Variants in FGF12 observed in about 807,000 individuals in gnomAD.
FGF12 encodes fibroblast growth factor 12B.
Under a neutral mutation model 23.6 loss-of-function variants are expected in FGF12, and 14 were observed. The observed-to-expected ratio is 0.59, with a 90% CI of 0.39 to 0.93. The LOEUF (loss-of-function observed/expected upper bound fraction) is 0.93. Ranked by LOEUF, FGF12 falls within the 40% of genes least tolerant of loss-of-function variation. The pLI is 0.00. For synonymous variants in FGF12, 62 were observed against 77.3 expected, an observed-to-expected ratio of 0.80 and a Z score of 1.04; for missense variants, 175 against 217.8, an observed-to-expected ratio of 0.80 and a Z score of 1.24.
intron 2 of FGF12, among the ~76,000 whole-genome samples, chr3:192,542,810 C>A (rs1725404175): frequency 6.6e-6 from 1 of 152,064 alleles, no homozygotes. Flanking sequence ...GAAGAATTGT[C>A]TGGATTACCA....
chr3:192,408,669 T>A lies in FGF12; in HGVS notation c.14-48131A>T, dbSNP rs1423378514. The A allele has an allele frequency of 7.0e-6, 7 of 1,001,926 alleles. No homozygotes were observed. The highest frequency in any genetic ancestry group is 8.3e-6 in the Non-Finnish European group (7 of 840,568). 62.1% of individuals were successfully genotyped at this position (1,001,926 alleles called of 1,614,324 possible). On this transcript the variant is annotated intron_variant, in intron 2 of 5. Coordinates refer to ENST00000445105, the MANE Select transcript of FGF12 (RefSeq NM_004113.6). The surrounding 1 kb of genome is among the most constrained non-coding windows in gnomAD (Gnocchi z 7.3). ...CAAGCGTTGTAAGGTGTCCAAAGTA[T>A]ACCTACACATACATACATAGAAAAC...
At chr3:192,597,610 C>G (rs2654689) in intron 2 of FGF12, among the ~76,000 whole-genome samples, 73,715 of 151,992 alleles carry the variant, frequency 0.48, 18,301 homozygotes, top group African/African-American at 0.59. Flanking sequence ...TAATTATAGT[C>G]TGCATAGAAC....
At chr3:192,400,307 A>G (rs2253332) in intron 2 of FGF12, among the ~76,000 whole-genome samples, 35,442 of 151,762 alleles carry the variant, frequency 0.23, 4,537 homozygotes, top group South Asian at 0.31. Context: ...CCTTATATAT[A>G]TGGGTATTGT....
intron 4 of FGF12, among the ~76,000 whole-genome samples, chr3:192,172,987 G>T (rs1038897091): frequency 1.3e-5 from 2 of 150,866 alleles, no homozygotes; most frequent in Non-Finnish European, 3.0e-5. Flanking sequence ...GATTTATGTG[G>T]CAACAAGGAT....
intron 2 of FGF12, among the ~76,000 whole-genome samples, chr3:192,580,612 T>C (rs1687985368): frequency 6.6e-6 from 1 of 152,150 alleles, no homozygotes; most frequent in Admixed American, 6.5e-5. Flanking sequence ...GTTGTTTTGT[T>C]TTGTTTTGTT....
chr3:192,223,232 C>T (rs1718562492), intron 4 of FGF12, among the ~76,000 whole-genome samples: 1 of 152,062 alleles, frequency 6.6e-6, no homozygotes, highest in Admixed American at 6.5e-5. Flanking sequence ...AAAAACAACA[C>T]AAAGCCCTCT....
rs923468332 is a variant in FGF12 at position 192,690,022 on chromosome 3, A to G, written c.13+37159T>C. The stretch of plus-strand genomic sequence containing the variant: ...ATGTACTCAAAATGTGGAAAGAAAT[A>G]AAACTGCCAGCCAAAAATACATTAC... On this transcript the variant is annotated intron_variant, in intron 2 of 5. Transcript: ENST00000445105. 4.6e-5 allele frequency among the ~76,000 whole-genome samples: 7 copies of G among 152,176 alleles called. No homozygotes were observed. In the South Asian group the frequency reaches 1.4e-3, roughly 31 times the overall value.
chr3:192,583,367 T>C (rs1026712847), intron 2 of FGF12, among the ~76,000 whole-genome samples: 1 of 152,218 alleles, frequency 6.6e-6, no homozygotes, highest in Non-Finnish European at 1.5e-5. Context: ...ATCTTCACAA[T>C]ATGATGTTCT....
intron 2 of FGF12, among the ~76,000 whole-genome samples, chr3:192,637,116 GCTC>G (rs1715611474): frequency 1.3e-5 from 2 of 152,178 alleles, no homozygotes; most frequent in Admixed American, 1.3e-4. Flanking sequence ...TCTCTCCCTC[GCTC>G]CTATTTCTTT....
chr3:192,336,082 G>T lies in FGF12; in HGVS notation c.125-618C>A, dbSNP rs1210608589. ...TTGATAGATAGCTTAAGCTGTAATG[G>T]ATATATTTTATATCCAGGTGGGAAA... On this transcript the variant is annotated intron_variant, in intron 3 of 5. Coordinates refer to ENST00000445105, the MANE Select transcript of FGF12 (RefSeq NM_004113.6). This position sits in a 1 kb window ranked among gnomAD's most constrained non-coding sequence, Gnocchi z 4.3. Among the ~76,000 whole-genome samples the T allele has an allele frequency of 6.7e-6, 1 of 149,108 alleles. No homozygotes were observed. Among genetic ancestry groups the T allele is most frequent in the Non-Finnish European group, 1.5e-5 (1 of 67,334 alleles).
At chr3:192,255,331 C>G (rs1042439191) in intron 4 of FGF12, among the ~76,000 whole-genome samples, 16 of 151,822 alleles carry the variant, frequency 1.1e-4, no homozygotes, top group Non-Finnish European at 2.9e-5. Flanking sequence ...CTAACAAAAG[C>G]CAATGAATAG....
intron 5 of FGF12, among the ~76,000 whole-genome samples, chr3:192,149,392 C>T (rs922315719): frequency 2.7e-5 from 4 of 147,120 alleles, no homozygotes; most frequent in African/African-American, 1.0e-4. Flanking sequence ...TATACATGTG[C>T]CATGCTGGTG....
intron 5 of FGF12, among the ~76,000 whole-genome samples, chr3:192,162,511 G>T (rs1714941037): frequency 6.6e-6 from 1 of 152,062 alleles, no homozygotes; most frequent in African/African-American, 2.4e-5. Flanking sequence ...AGAAAAAACT[G>T]GTTTGAATAA....
At chr3:192,324,372 T>C (rs1321742916) in intron 4 of FGF12, among the ~76,000 whole-genome samples, 1 of 152,142 alleles carries the variant, frequency 6.6e-6, no homozygotes. Context: ...AGAAACTTTA[T>C]GGATTGATGC....
intron 2 of FGF12, among the ~76,000 whole-genome samples, chr3:192,401,225 T>G (rs1215110885): frequency 6.6e-6 from 1 of 152,242 alleles, no homozygotes; most frequent in Non-Finnish European, 1.5e-5. Flanking sequence ...AGTCAGCTTG[T>G]TCTCAAGTCT....
intron 2 of FGF12, among the ~76,000 whole-genome samples, chr3:192,572,666 A>G (rs1261128051): frequency 1.3e-5 from 2 of 152,212 alleles, no homozygotes; most frequent in Non-Finnish European, 2.9e-5. Context: ...ATACACAGTA[A>G]CAATGCTAAA....
intron 5 of FGF12, among the ~76,000 whole-genome samples, chr3:192,147,231 T>C (rs1226637527): frequency 1.3e-5 from 2 of 152,228 alleles, no homozygotes; most frequent in Non-Finnish European, 2.9e-5. Flanking sequence ...TTAATTTTCA[T>C]TGTTATTTAC....
intron 4 of FGF12, among the ~76,000 whole-genome samples, chr3:192,258,062 A>T (rs1198961324): frequency 1.3e-5 from 2 of 151,804 alleles, no homozygotes; most frequent in African/African-American, 4.8e-5. Flanking sequence ...AATGTTACAA[A>T]GTAAAGGTTG....
chr3:192,559,774 C>G (rs1711935435), intron 2 of FGF12, among the ~76,000 whole-genome samples: 1 of 151,932 alleles, frequency 6.6e-6, no homozygotes, highest in African/African-American at 2.4e-5. Context: ...TATAGAGACA[C>G]TCTCTGTACT....
Sources: allele counts gnomAD v4.1 joint callset (sites outside exome capture counted in the v4.1 genomes callset), GRCh38; gene constraint gnomAD v4.1.1; non-coding constraint Gnocchi (gnomAD v3.1); transcripts MANE v1.5; gene names NCBI Gene and HGNC (gene_info 2026-07-23, HGNC 2026-07-21).